WDR7: variants seen among roughly 807,000 people sequenced by gnomAD.
WDR7 encodes the protein WD repeat domain 7.
WDR7 carries 46 observed loss-of-function variants against 169.4 expected under a neutral mutation model. That is an observed-to-expected ratio of 0.27 (90% CI 0.21 to 0.35). WDR7 has a LOEUF of 0.35. Ranked by LOEUF, WDR7 falls within the 10% of genes least tolerant of loss-of-function variation. The pLI is 1.00. For synonymous variants in WDR7, 612 were observed against 666.8 expected (o/e 0.92, Z 1.27); for missense variants, 1,534 against 1,859.3 (o/e 0.83, Z 3.22).
At chr18:56,655,094 C>T (rs1198191654) in intron 1 of WDR7, among the ~76,000 whole-genome samples, 1 of 152,052 alleles carries the variant, frequency 6.6e-6, no homozygotes, top group Non-Finnish European at 1.5e-5. Context: ...TTTGTTTTAA[C>T]TTTATTTTGA....
chr18:56,864,810 G>A (rs559096127), intron 20 of WDR7, among the ~76,000 whole-genome samples: 3 of 151,928 alleles, frequency 2.0e-5, no homozygotes, highest in African/African-American at 7.2e-5. Context: ...AGCCAAGATT[G>A]CCTCCTGATG....
At chr18:56,653,536 G>T (rs949964933) in intron 1 of WDR7, among the ~76,000 whole-genome samples, 2 of 151,972 alleles carry the variant, frequency 1.3e-5, no homozygotes, top group African/African-American at 4.8e-5. Context: ...TCTAATTCCC[G>T]CTGTTTTCTC....
At chr18:56,940,446 C>T (rs2047018532) in intron 25 of WDR7, among the ~76,000 whole-genome samples, 1 of 152,108 alleles carries the variant, frequency 6.6e-6, no homozygotes, top group Non-Finnish European at 1.5e-5. Flanking sequence ...AACATAAACA[C>T]AAATTTTAAA....
At chr18:56,654,546 G>A (rs2024726239) in intron 1 of WDR7, among the ~76,000 whole-genome samples, 1 of 152,020 alleles carries the variant, frequency 6.6e-6, no homozygotes, top group South Asian at 2.1e-4. Flanking sequence ...TTGTTGATTT[G>A]CGGACATTTC....
At chr18:56,993,597 G>C (rs1292425794) in intron 26 of WDR7, among the ~76,000 whole-genome samples, 2 of 152,144 alleles carry the variant, frequency 1.3e-5, no homozygotes, top group African/African-American at 2.4e-5. Flanking sequence ...CCATCTCCCA[G>C]GATAGGCCTT....
chr18:56,913,374 C>G (rs2046579097), intron 21 of WDR7, among the ~76,000 whole-genome samples: 1 of 152,130 alleles, frequency 6.6e-6, no homozygotes, highest in Non-Finnish European at 1.5e-5. Context: ...CTACATGTAA[C>G]CACCATTCAC....
chr18:56,907,341 C>T (rs1337334825), intron 21 of WDR7, among the ~76,000 whole-genome samples: 1 of 151,986 alleles, frequency 6.6e-6, no homozygotes, highest in Non-Finnish European at 1.5e-5. Context: ...AAAATGACAA[C>T]AGTTATAATG....
chr18:56,779,460 G>A lies in WDR7; in HGVS notation c.2977G>A (p.Val993Ile). The A allele has an allele frequency of 6.2e-7, 1 of 1,613,856 alleles. No individual in the cohort carries two copies. Among genetic ancestry groups the A allele is most frequent in the Non-Finnish European group, 8.5e-7 (1 of 1,179,860 alleles). The change falls in exon 18 of 28, where the codon GTT becomes ATT. Residue 993 changes from valine (V) to isoleucine (I), a missense_variant. Physicochemically the swap from Val to Ile is conservative, Grantham distance 29. Coordinates refer to ENST00000254442, the MANE Select transcript of WDR7 (RefSeq NM_015285.3). The part of the protein sequence containing the change: ...GWSQLAAMHC[V>I]MLPDLLGLDK... ...GAGTCAGTTAGCTGCTATGCACTGTGTTATGCTGCCAGACCTACTGGGATT... is the reference window on the plus strand; with the variant it reads ...GAGTCAGTTAGCTGCTATGCACTGTATTATGCTGCCAGACCTACTGGGATT...
At chr18:56,841,820 G>C (rs2045490998) in intron 20 of WDR7, among the ~76,000 whole-genome samples, 2 of 152,020 alleles carry the variant, frequency 1.3e-5, no homozygotes, top group African/African-American at 2.4e-5. Context: ...TCCAGAGTTA[G>C]GATGCTGGGG....
intron 13 of WDR7, among the ~76,000 whole-genome samples, chr18:56,728,210 T>C (rs1018897360): frequency 1.3e-5 from 2 of 152,232 alleles, no homozygotes; most frequent in African/African-American, 4.8e-5. Flanking sequence ...GTTTTTTGGC[T>C]TCTTCACTGC....
Position 56,795,564 on chromosome 18 carries a change from A to G in WDR7, c.3190+13908A>G, listed in dbSNP as rs373799337. Among the ~76,000 whole-genome samples, 6 of 152,332 alleles carry G rather than the reference A, an allele frequency of 3.9e-5. No individual in the cohort carries two copies. In the East Asian group the frequency reaches 7.7e-4, roughly 20 times the overall value. ...TACTTTCCCTCACAACATCCATGTAATGACTCATCTGCTCTCCCCCACAAT... is the reference window on the plus strand; with the variant it reads ...TACTTTCCCTCACAACATCCATGTAGTGACTCATCTGCTCTCCCCCACAAT... On this transcript the variant is annotated intron_variant, in intron 19 of 27. Coordinates refer to ENST00000254442, the MANE Select transcript of WDR7 (RefSeq NM_015285.3).
chr18:56,991,117 T>TA (rs2047807540), intron 26 of WDR7, among the ~76,000 whole-genome samples: 1 of 150,864 alleles, frequency 6.6e-6, no homozygotes, highest in Middle Eastern at 3.3e-3. Context: ...CACCACCTCT[T>TA]ACTAGCTACC....
intron 21 of WDR7, among the ~76,000 whole-genome samples, chr18:56,906,243 G>T (rs755438721): frequency 2.6e-5 from 4 of 152,182 alleles, no homozygotes; most frequent in African/African-American, 9.6e-5. Flanking sequence ...TACTCAGCAG[G>T]ATCCAGATTT....
intron 21 of WDR7, among the ~76,000 whole-genome samples, chr18:56,881,084 G>A (rs928445912): frequency 6.6e-6 from 1 of 152,144 alleles, no homozygotes; most frequent in African/African-American, 2.4e-5. Context: ...TGACAGCAGT[G>A]AACTTCACTG....
At chr18:56,719,080 TC>T (rs1234253571) in intron 13 of WDR7, among the ~76,000 whole-genome samples, 3 of 152,246 alleles carry the variant, frequency 2.0e-5, no homozygotes, top group African/African-American at 7.2e-5. Context: ...CTGTCAAACT[TC>T]CTTGCTTTTG....
intron 2 of WDR7, among the ~76,000 whole-genome samples, chr18:56,675,091 T>G (rs571527586): frequency 6.6e-6 from 1 of 152,358 alleles, no homozygotes; most frequent in East Asian, 1.9e-4. Context: ...TACCGTTGTT[T>G]TATATACTCA....
intron 16 of WDR7, among the ~76,000 whole-genome samples, chr18:56,765,709 G>A (rs748694221): frequency 5.3e-4 from 80 of 151,974 alleles, no homozygotes; most frequent in Admixed American, 9.2e-4. Flanking sequence ...ACATTCCTTT[G>A]TGTAGATCAA....
intron 14 of WDR7, among the ~76,000 whole-genome samples, chr18:56,745,959 C>A (rs1287077645): frequency 6.6e-6 from 1 of 152,122 alleles, no homozygotes; most frequent in Non-Finnish European, 1.5e-5. Flanking sequence ...TTTCCTAGGA[C>A]AATGGTTGGC....
chr18:57,023,092 C>T (rs879799836), intron 27 of WDR7, among the ~76,000 whole-genome samples: 1 of 152,200 alleles, frequency 6.6e-6, no homozygotes, highest in Non-Finnish European at 1.5e-5. Flanking sequence ...CAAACTCAGT[C>T]TTGAAATTTT....
Sources: gnomAD v4.1 joint callset for allele counts (sites outside exome capture counted in the v4.1 genomes callset) on GRCh38, gnomAD v4.1.1 for gene constraint, MANE v1.5 for transcripts, NCBI Gene and HGNC (gene_info 2026-07-23, HGNC 2026-07-21) for gene names.